Variants in IQCM observed in about 807,000 individuals in gnomAD.
IQCM encodes the protein IQ motif containing M, also known as IQ domain-containing protein M.
A neutral mutation model predicts 57.6 loss-of-function variants in IQCM; 45 were observed. The ratio of observed to expected loss-of-function variants is 0.78; its 90% CI spans 0.62 to 1.00. The LOEUF is 1.00. Among genes scored for constraint, IQCM ranks in the 50% least tolerant of loss-of-function variants. The pLI, the probability that IQCM is intolerant of heterozygous loss-of-function variation, is 0.00. For synonymous variants in IQCM, 148 were observed against 158.9 expected, an observed-to-expected ratio of 0.93 and a Z score of 0.51; for missense variants, 468 against 511.6, an observed-to-expected ratio of 0.91 and a Z score of 0.82.
intron 12 of IQCM, among the ~76,000 whole-genome samples, chr4:149,507,912 C>A (rs1455298046): frequency 6.6e-6 from 1 of 151,976 alleles, no homozygotes; most frequent in Non-Finnish European, 1.5e-5. Flanking sequence ...TGGGCTGAGC[C>A]AGGGTCCCTC....
intron 7 of IQCM, among the ~76,000 whole-genome samples, chr4:149,643,015 T>G (rs1009259690): frequency 1.3e-5 from 2 of 150,096 alleles, no homozygotes; most frequent in South Asian, 2.1e-4. Flanking sequence ...CTTTTTTAAA[T>G]TTTTTAAATT....
chr4:149,614,841 A>C (rs768817510), intron 8 of IQCM, among the ~76,000 whole-genome samples: 9 of 152,194 alleles, frequency 5.9e-5, no homozygotes, highest in Non-Finnish European at 1.3e-4. Context: ...CGAGCTGGAC[A>C]AGCTTGTTCT....
At chr4:149,549,734 G>T (rs1748843268) in intron 11 of IQCM, among the ~76,000 whole-genome samples, 1 of 152,106 alleles carries the variant, frequency 6.6e-6, no homozygotes, top group South Asian at 2.1e-4. Context: ...AGCTCTGGCT[G>T]CCAATGGCAA....
intron 3 of IQCM, among the ~76,000 whole-genome samples, chr4:149,738,368 C>A (rs968842883): frequency 1.3e-5 from 2 of 152,098 alleles, no homozygotes; most frequent in African/African-American, 4.8e-5. Context: ...GCAGCTGTTT[C>A]GACTTCCCCC....
At chr4:149,467,895 G>A (rs1739034342) in intron 12 of IQCM, among the ~76,000 whole-genome samples, 2 of 152,184 alleles carry the variant, frequency 1.3e-5, no homozygotes, top group South Asian at 4.1e-4. Flanking sequence ...TAAGGAGCCT[G>A]TTGATGCTGT....
chr4:149,511,375 A>C (rs1020357159), intron 12 of IQCM, among the ~76,000 whole-genome samples: 3 of 151,614 alleles, frequency 2.0e-5, no homozygotes, highest in Admixed American at 6.6e-5. Context: ...AAAAAAAAAA[A>C]CAATTAGCCA....
At chr4:149,794,951 G>A (rs1772981430) in intron 2 of IQCM, among the ~76,000 whole-genome samples, 1 of 151,976 alleles carries the variant, frequency 6.6e-6, no homozygotes, top group African/African-American at 2.4e-5. Context: ...ACTGGAATTA[G>A]GAGACAAGGA....
chr4:149,413,526 C>A (rs1168610905), intron 13 of IQCM, among the ~76,000 whole-genome samples: 1 of 152,072 alleles, frequency 6.6e-6, no homozygotes, highest in Non-Finnish European at 1.5e-5. Context: ...ATGGCTGACA[C>A]AGTTCCTAGG....
intron 9 of IQCM, among the ~76,000 whole-genome samples, chr4:149,570,348 C>T (rs910748509): frequency 5.3e-5 from 8 of 151,886 alleles, no homozygotes; most frequent in African/African-American, 9.7e-5. Context: ...TATTAAGGAA[C>T]GTGGATTTAA....
chr4:149,634,325 A>T (rs1246548027), intron 7 of IQCM, among the ~76,000 whole-genome samples: 1 of 152,114 alleles, frequency 6.6e-6, no homozygotes, highest in Non-Finnish European at 1.5e-5. Context: ...CACTTCACTG[A>T]TCCTGATATG....
intron 7 of IQCM, among the ~76,000 whole-genome samples, chr4:149,643,707 G>C (rs577400830): frequency 2.1e-4 from 32 of 152,290 alleles, no homozygotes; most frequent in Non-Finnish European, 3.2e-4. Flanking sequence ...ATGGTATCCA[G>C]AGAGGCTTGT....
intron 5 of IQCM, among the ~76,000 whole-genome samples, chr4:149,706,929 T>C (rs1764204992): frequency 6.6e-6 from 1 of 152,000 alleles, no homozygotes; most frequent in African/African-American, 2.4e-5. Flanking sequence ...GGCAATTTCA[T>C]TGTTTTGAGT....
chr4:149,358,844 C>CAGTATATCATGATATACACTCATG (rs1729212122), intron 13 of IQCM, among the ~76,000 whole-genome samples: 1 of 108,028 alleles, frequency 9.3e-6, no homozygotes, highest in African/African-American at 3.9e-5. Context: ...GCACAGTGGA[C>CAGTATATCATGATATACACTCATG]AGTATATCAT....
chr4:149,354,378 A>AAAAAAC (rs1560766380), intron 13 of IQCM, among the ~76,000 whole-genome samples: 6 of 142,202 alleles, frequency 4.2e-5, no homozygotes, highest in Admixed American at 7.1e-5. Context: ...AAAAAAAAAA[A>AAAAAAC]AAAAAAAAAA....
At chr4:149,473,122 T>TGG (rs1560885003) in intron 12 of IQCM, among the ~76,000 whole-genome samples, 2 of 152,128 alleles carry the variant, frequency 1.3e-5, no homozygotes, top group African/African-American at 4.8e-5. Flanking sequence ...AATTGACAAA[T>TGG]GGGAGCTAAT....
intron 8 of IQCM, among the ~76,000 whole-genome samples, chr4:149,614,504 A>G (rs540260536): frequency 2.9e-4 from 44 of 152,130 alleles, no homozygotes; most frequent in African/African-American, 9.9e-4. Flanking sequence ...GACAACCACA[A>G]CTGTCCTTTC....
chr4:149,770,435 T>C lies in IQCM; in HGVS notation c.-48-27696A>G, dbSNP rs116609469. Among the ~76,000 whole-genome samples the C allele has an allele frequency of 3.9e-3, 600 of 152,208 alleles. 3 individuals are homozygous for C. Among genetic ancestry groups the C allele is most frequent in the Middle Eastern group, 6.8e-3 (2 of 294 alleles). On this transcript the variant is annotated intron_variant, in intron 2 of 13. Coordinates refer to ENST00000636793, the MANE Select transcript of IQCM (RefSeq NM_001363507.2). ...GAAAGGACAAAAATACTTTTCAACT[T>C]CTTCTGTGAGGCAAGTATTAAGGCA...
At chr4:149,736,573 C>T (rs944260943) in intron 3 of IQCM, among the ~76,000 whole-genome samples, 1 of 152,152 alleles carries the variant, frequency 6.6e-6, no homozygotes, top group Non-Finnish European at 1.5e-5. Flanking sequence ...GTTTTCTCTA[C>T]TCTTCACCCA....
intron 13 of IQCM, among the ~76,000 whole-genome samples, chr4:149,422,420 C>A (rs186669729): frequency 7.9e-5 from 12 of 151,802 alleles, no homozygotes; most frequent in African/African-American, 2.7e-4. Flanking sequence ...ATAGGGGGAG[C>A]GGGCAGTATT....
Sources: allele counts gnomAD v4.1 joint callset (sites outside exome capture counted in the v4.1 genomes callset), GRCh38; gene constraint gnomAD v4.1.1; transcripts MANE v1.5; gene names NCBI Gene and HGNC (gene_info 2026-07-23, HGNC 2026-07-21).